Variants in CDH13 observed in about 807,000 individuals in gnomAD.
CDH13 encodes the protein cadherin-13.
In CDH13, 24 loss-of-function variants were observed where a neutral mutation model predicts 63.8. The ratio of observed to expected loss-of-function variants is 0.38; its 90% confidence interval spans 0.27 to 0.53. The LOEUF (loss-of-function observed/expected upper bound fraction) is 0.53, where lower values mean the gene tolerates loss of function less well. Ranked by LOEUF, CDH13 falls within the 20% of genes least tolerant of loss-of-function variation. The probability of loss-of-function intolerance (pLI) is 0.85; values close to 1 mark genes in which losing one functional copy is unlikely to be tolerated. For synonymous variants in CDH13, 503 were observed against 355.3 expected (o/e 1.42, Z -4.67); for missense variants, 1,049 against 903.1 (o/e 1.16, Z -2.07).
rs189765966 is a variant in CDH13, at chr16:82,848,394, C to T, written c.46-9968C>T. ...ACCCAATTTGTAGGATCAGCTTTCACCTTGACAACTCTGCACTGAGCAAGT... is the reference window on the plus strand; with the variant it reads ...ACCCAATTTGTAGGATCAGCTTTCATCTTGACAACTCTGCACTGAGCAAGT... On this transcript the variant is annotated intron_variant, in intron 1 of 13. Coordinates refer to ENST00000567109, the MANE Select transcript of CDH13 (RefSeq NM_001257.5). Among the ~76,000 whole-genome samples the T allele has an allele frequency of 1.4e-3, 209 of 152,302 alleles. 1 individual carries two copies. Among genetic ancestry groups the T allele is most frequent in the Admixed American group, 4.7e-3 (72 of 15,298 alleles).
rs549840965 is a variant in CDH13 at position 83,029,520 on chromosome 16, CAGTGATTATTGTTAT to C, written c.158-2481_158-2467del. Among the ~76,000 whole-genome samples the C allele has an allele frequency of 5.4e-3, 827 of 152,252 alleles. 8 individuals are homozygous for C. The highest frequency in any genetic ancestry group is 8.0e-3 in the Non-Finnish European group (541 of 68,026). On this transcript the variant is annotated intron_variant, in intron 2 of 13. Coordinates refer to ENST00000567109, the MANE Select transcript of CDH13 (RefSeq NM_001257.5). ...AGTAACCTGGATACTATACAGTGATCAGTGATTATTGTTATAGTGATTAGAATAAACTACCACAAC... is the reference window on the plus strand; with the variant it reads ...AGTAACCTGGATACTATACAGTGATCAGTGATTAGAATAAACTACCACAAC...
chr16:83,514,640 A>G (rs2074658476), intron 7 of CDH13, among the ~76,000 whole-genome samples: 1 of 152,162 alleles, frequency 6.6e-6, no homozygotes, highest in Non-Finnish European at 1.5e-5. Context: ...GTGAGACTCC[A>G]TCTCAAAATT....
intron 6 of CDH13, among the ~76,000 whole-genome samples, chr16:83,363,306 C>G (rs1471721627): frequency 2.6e-5 from 4 of 151,916 alleles, no homozygotes; most frequent in Admixed American, 2.0e-4. Context: ...CTTTGTGGCT[C>G]CAAGAAAAAG....
chr16:83,548,341 G>T (rs1357977711), intron 7 of CDH13, among the ~76,000 whole-genome samples: 1 of 152,104 alleles, frequency 6.6e-6, no homozygotes, highest in African/African-American at 2.4e-5. Context: ...CTGGGAGATT[G>T]GTGGGAAGGG....
intron 6 of CDH13, among the ~76,000 whole-genome samples, chr16:83,465,744 A>G (rs1056914619): frequency 6.6e-6 from 1 of 152,184 alleles, no homozygotes; most frequent in Non-Finnish European, 1.5e-5. Context: ...TGAGATTAGA[A>G]GCAAAGTTGC....
intron 5 of CDH13, among the ~76,000 whole-genome samples, chr16:83,257,961 C>G (rs1006453893): frequency 2.0e-5 from 3 of 152,150 alleles, no homozygotes; most frequent in Non-Finnish European, 4.4e-5. Context: ...ATTAGTCATT[C>G]TAACTGGTGT....
At chr16:83,107,788 C>T (rs960634834) in intron 3 of CDH13, among the ~76,000 whole-genome samples, 1 of 149,546 alleles carries the variant, frequency 6.7e-6, no homozygotes, top group Non-Finnish European at 1.5e-5. Context: ...CTTTGTCCCT[C>T]CTCTTTTCTT....
chr16:82,695,207 G>A (rs549780818), intron 1 of CDH13, among the ~76,000 whole-genome samples: 2 of 152,274 alleles, frequency 1.3e-5, no homozygotes, highest in South Asian at 4.2e-4. Flanking sequence ...GGGGCAATGA[G>A]GAGGCTGTGA....
At chr16:83,128,145 A>G (rs2035892491) in intron 4 of CDH13, among the ~76,000 whole-genome samples, 1 of 152,230 alleles carries the variant, frequency 6.6e-6, no homozygotes. Context: ...CTTAAAATGC[A>G]GATGTCAGGG....
intron 2 of CDH13, among the ~76,000 whole-genome samples, chr16:83,024,051 C>T (rs1467624432): frequency 5.9e-5 from 9 of 152,050 alleles, no homozygotes; most frequent in Non-Finnish European, 1.3e-4. Flanking sequence ...TATTTCTTAT[C>T]TGATATTTGG....
intron 6 of CDH13, among the ~76,000 whole-genome samples, chr16:83,361,836 G>C (rs779309468): frequency 2.0e-5 from 3 of 152,128 alleles, no homozygotes; most frequent in Admixed American, 6.6e-5. Flanking sequence ...TATGCTTACA[G>C]TAGAGTTTAA....
At chr16:83,445,037 T>C (rs1307622720) in intron 6 of CDH13, among the ~76,000 whole-genome samples, 1 of 152,224 alleles carries the variant, frequency 6.6e-6, no homozygotes, top group Non-Finnish European at 1.5e-5. Context: ...CCATGCTAGT[T>C]AATTAAGACT....
At chr16:82,675,828 G>A (rs111736306) in intron 1 of CDH13, among the ~76,000 whole-genome samples, 37 of 152,218 alleles carry the variant, frequency 2.4e-4, no homozygotes, top group African/African-American at 7.9e-4. Flanking sequence ...TTGAGGGAGG[G>A]CACTTGAGTT....
chr16:82,912,371 T>C (rs1371012117), intron 2 of CDH13, among the ~76,000 whole-genome samples: 2 of 152,190 alleles, frequency 1.3e-5, no homozygotes, highest in Non-Finnish European at 2.9e-5. Context: ...GTCTCCACAA[T>C]AACCAGTAAC....
intron 2 of CDH13, among the ~76,000 whole-genome samples, chr16:82,977,223 T>C (rs756771197): frequency 1.3e-5 from 2 of 152,164 alleles, no homozygotes; most frequent in African/African-American, 2.4e-5. Context: ...GGACCCAGTG[T>C]CCTTTGTGGG....
intron 2 of CDH13, among the ~76,000 whole-genome samples, chr16:82,905,004 T>G (rs1279124701): frequency 6.6e-6 from 1 of 152,064 alleles, no homozygotes; most frequent in African/African-American, 2.4e-5. Context: ...TTCTTCAAAA[T>G]TCTAGAGGCT....
chr16:82,901,459 C>G lies in CDH13; in HGVS notation c.157+42986C>G, dbSNP rs977838326. 2.6e-5 allele frequency among the ~76,000 whole-genome samples: 4 copies of G among 151,184 alleles called. No individual in the cohort carries two copies. The Admixed American group carries it at 2.6e-4, about 10-fold the overall frequency. ...TAGGAGACCTGACAAAGATGGTGGG[C>G]TGAGATAGCCGTGTAAAGCTAAAAC... On this transcript the variant is annotated intron_variant, in intron 2 of 13. Coordinates refer to ENST00000567109, the MANE Select transcript of CDH13 (RefSeq NM_001257.5).
chr16:82,907,531 A>G (rs924212625), intron 2 of CDH13, among the ~76,000 whole-genome samples: 4 of 152,184 alleles, frequency 2.6e-5, no homozygotes, highest in Non-Finnish European at 4.4e-5. Context: ...ATGGTCAGTT[A>G]TATATTTTTC....
intron 2 of CDH13, among the ~76,000 whole-genome samples, chr16:82,982,565 T>C (rs1910416007): frequency 6.6e-6 from 1 of 152,208 alleles, no homozygotes; most frequent in Non-Finnish European, 1.5e-5. Context: ...ATCAGTTCTA[T>C]GTGGAAGATT....
Sources: allele counts gnomAD v4.1 joint callset (sites outside exome capture counted in the v4.1 genomes callset), GRCh38; gene constraint gnomAD v4.1.1; transcripts MANE v1.5; gene names NCBI Gene and HGNC (gene_info 2026-07-23, HGNC 2026-07-21).